The following RAB3IL1 variants were observed in gnomAD, a reference collection of about 807,000 sequenced individuals.
RAB3IL1 encodes the protein RAB3A interacting protein like 1, also known as guanine nucleotide exchange factor for Rab-3A.
A neutral mutation model predicts 49.2 loss-of-function variants in RAB3IL1; 37 were observed. That is an observed-to-expected ratio of 0.75 (90% CI 0.58 to 0.99). The LOEUF is 0.99. RAB3IL1 is among the 50% of genes least tolerant of loss of function. The pLI is 0.00. For missense variants in RAB3IL1, 484 were observed against 513.0 expected (o/e 0.94, Z 0.55); for synonymous variants, 193 against 213.9 (o/e 0.90, Z 0.85).
chr11:61,907,539 GT>G, intron 3 of RAB3IL1, 25 bp downstream of exon 3: 1 of 1,613,938 alleles, frequency 6.2e-7, no homozygotes. Context: ...CATTCCCCAA[GT>G]TGTTCCCGCG....
intron 5 of RAB3IL1, among the ~76,000 whole-genome samples, chr11:61,905,468 G>A (rs555041932): frequency 2.7e-4 from 41 of 152,292 alleles, no homozygotes; most frequent in East Asian, 1.4e-3. Flanking sequence ...AGGCCGGCTC[G>A]TAGGTGAGGT....
chr11:61,912,323 G>A (rs1283459789), intron 1 of RAB3IL1, among the ~76,000 whole-genome samples: 1 of 152,216 alleles, frequency 6.6e-6, no homozygotes, highest in African/African-American at 2.4e-5. Flanking sequence ...ACACTGAGGG[G>A]ACGGAGGCTC....
Position 61,908,224 on chromosome 11 carries a change from G to A in RAB3IL1, c.94C>T (p.His32Tyr). ...ACCAGGGCTCCTGGGGACTCCCTGT[G>A]GCCTTGGCAGGGGTCCGTGCTCTTC... is the stretch of plus-strand genomic sequence containing the variant. ...PWKSTDPCQGHRESPGALVET... is the reference protein window; with the variant it reads ...PWKSTDPCQGYRESPGALVET... The change falls in exon 2 of 10, where the codon CAC becomes TAC. Residue 32 changes from histidine to tyrosine, a missense_variant. Physicochemically the swap from His to Tyr is moderately conservative, Grantham distance 83 (BLOSUM62 2). Transcript: ENST00000394836. 1 of 1,539,612 alleles carries A rather than the reference G, an allele frequency of 6.5e-7. No individual in the cohort carries two copies. Among genetic ancestry groups the A allele is most frequent in the Non-Finnish European group, 8.8e-7 (1 of 1,141,866 alleles).
Position 61,917,527 on chromosome 11 carries a change from G to C in RAB3IL1, c.-160C>G. ...GTAGGTCTCAGACGCCTGGGCTCGCGGCCCCCAGCCCAGCCCCGACCCTGC... is the reference window on the plus strand; with the variant it reads ...GTAGGTCTCAGACGCCTGGGCTCGCCGCCCCCAGCCCAGCCCCGACCCTGC... On this transcript the variant is annotated 5_prime_UTR_variant, in exon 1 of 10. Transcript: ENST00000394836. The C allele has an allele frequency of 8.9e-7, 1 of 1,117,478 alleles. No individual in the cohort carries two copies. The highest frequency in any genetic ancestry group is 1.1e-6 in the Non-Finnish European group (1 of 916,244). The allele number at this position is 1,117,478 out of a possible 1,614,324, so 69.2% of individuals were successfully genotyped here.
At chr11:61,943,191 G>A in the RAB3IL1 span, among the ~76,000 whole-genome samples, 1 of 152,126 alleles carries the variant, frequency 6.6e-6, no homozygotes, top group Non-Finnish European at 1.5e-5. Context: ...ACCCATATAT[G>A]TATTATCAAT....
intron 4 of RAB3IL1, 115 bp downstream of exon 4, chr11:61,907,278 G>T: frequency 1.8e-6 from 2 of 1,104,948 alleles, no homozygotes; most frequent in Non-Finnish European, 2.7e-6. Flanking sequence ...ACCCATTCCT[G>T]CTGGCCCCAC....
At position 61,908,146 on chromosome 11, in the gene RAB3IL1, G is replaced by A. The variant is rs780930353; in HGVS notation, c.172C>T (p.Gln58Ter). 106 of 1,573,914 alleles carry A rather than the reference G, an allele frequency of 6.7e-5. No individual in the cohort carries two copies. Among genetic ancestry groups the A allele is most frequent in the Middle Eastern group, 1.7e-4 (1 of 6,036 alleles). ...AQGQEGPAAA[Q>*]LDVLRLRSSS... The stretch of plus-strand genomic sequence containing the variant: ...CTGCGCAGGCGCAACACGTCCAGCT[G>A]GGCGGCTGCGGGGCCCTCCTGGCCT... The change falls in exon 2 of 10, where the codon CAG becomes TAG. Residue 58 changes from glutamine to a stop codon, truncating the protein, a stop_gained. Transcript: ENST00000394836. LOFTEE classifies it high-confidence loss of function.
chr11:61,902,085 C>G (rs777299870), intron 8 of RAB3IL1, among the ~76,000 whole-genome samples: 1 of 152,200 alleles, frequency 6.6e-6, no homozygotes, highest in South Asian at 2.1e-4. Context: ...GAGGCCGAGG[C>G]AGGCAGATCA....
At chr11:61,920,266 C>G, upstream of RAB3IL1, 1 of 1,234,572 alleles carries the variant, frequency 8.1e-7, no homozygotes, top group Non-Finnish European at 1.0e-6. Context: ...CTTCCCCCCA[C>G]CAGGCTGAGC....
At chr11:61,937,198 A>G in the RAB3IL1 span, among the ~76,000 whole-genome samples, 33 of 152,338 alleles carry the variant, frequency 2.2e-4, no homozygotes, top group African/African-American at 7.9e-4. Context: ...CAATAAAAAC[A>G]TGAAAGGTAG....
intron 1 of RAB3IL1, among the ~76,000 whole-genome samples, chr11:61,913,159 G>C (rs1424767422): frequency 6.6e-6 from 1 of 152,088 alleles, no homozygotes; most frequent in African/African-American, 2.4e-5. Flanking sequence ...GCCTGAGCCT[G>C]GATGAGGGGC....
rs754726090 is a variant in RAB3IL1 at position 61,908,103 on chromosome 11, C to T, written c.215G>A (p.Arg72Gln). ...CTTCAGGAACTCGGAGCCCTTCTCT[C>T]GGATCTCCATGGAAGAGCTGCGCAG... ...LRLRSSSMEI[R>Q]EKGSEFLKEE... Residue 72 changes from arginine to glutamine, a missense_variant, in exon 2 of 10, where the codon CGA (arginine) becomes CAA (glutamine). Coordinates refer to ENST00000394836, the MANE Select transcript of RAB3IL1 (RefSeq NM_013401.4). 10 of 1,610,844 alleles carry T rather than the reference C, an allele frequency of 6.2e-6. No individual in the cohort carries two copies. Among genetic ancestry groups the T allele is most frequent in the South Asian group, 1.1e-5 (1 of 90,988 alleles).
intron 1 of RAB3IL1, among the ~76,000 whole-genome samples, chr11:61,912,698 T>C (rs1232037095): frequency 6.6e-6 from 1 of 152,126 alleles, no homozygotes; most frequent in Admixed American, 6.5e-5. Flanking sequence ...TCACGTGGCC[T>C]GTCACCCAGA....
At chr11:61,904,713 G>T (rs756761448) in intron 6 of RAB3IL1, 41 bp downstream of exon 6, 6 of 1,582,920 alleles carry the variant, frequency 3.8e-6, no homozygotes, top group Non-Finnish European at 5.2e-6. Flanking sequence ...CCTGGCGGAG[G>T]GGTGTGTCCC....
upstream of RAB3IL1, among the ~76,000 whole-genome samples, chr11:61,922,136 G>A (rs1939923111): frequency 6.6e-6 from 1 of 151,916 alleles, no homozygotes; most frequent in Non-Finnish European, 1.5e-5. Context: ...GTGAATCTGG[G>A]AGGCAGAGCT....
chr11:61,906,149 G>T lies in RAB3IL1; in HGVS notation c.657+317C>A, dbSNP rs896442775. On this transcript the variant is annotated intron_variant, in intron 5 of 9. Coordinates refer to ENST00000394836, the MANE Select transcript of RAB3IL1 (RefSeq NM_013401.4). The surrounding 1 kb of genome is among the most constrained non-coding windows in gnomAD (Gnocchi z 4.6). Reference sequence around the variant, plus strand: ...GCCTCTTAAGGCCAAGGAAGTGTGTGTCTCAGTGGAGGCCCCAGATCCTCA... The same window carrying T: ...GCCTCTTAAGGCCAAGGAAGTGTGTTTCTCAGTGGAGGCCCCAGATCCTCA... 3.3e-5 allele frequency among the ~76,000 whole-genome samples: 5 copies of T among 152,142 alleles called. No individual in the cohort carries two copies. Among genetic ancestry groups the T allele is most frequent in the African/African-American group, 7.2e-5 (3 of 41,416 alleles).
At chr11:61,920,069 A>G, upstream of RAB3IL1, 1 of 1,281,074 alleles carries the variant, frequency 7.8e-7, no homozygotes, top group Non-Finnish European at 9.9e-7. Context: ...TCTTCTCTCA[A>G]GTTCCCCTCA....
At chr11:61,919,538 C>T (rs1939841211), upstream of RAB3IL1, among the ~76,000 whole-genome samples, 1 of 152,176 alleles carries the variant, frequency 6.6e-6, no homozygotes, top group Non-Finnish European at 1.5e-5. Context: ...TCCTCTTACA[C>T]CCGTTTTCCA....
chr11:61,898,937 G>A lies in RAB3IL1; in HGVS notation c.1066+377C>T. ...GCCAGGCCTTGCAGAATGGGCTGTGGGGGGAGGGGGTGGAGGGAGGCCCTG... is the reference window on the plus strand; with the variant it reads ...GCCAGGCCTTGCAGAATGGGCTGTGAGGGGAGGGGGTGGAGGGAGGCCCTG... On this transcript the variant is annotated intron_variant, in intron 9 of 9. Transcript: ENST00000394836. The surrounding 1 kb of genome is among the most constrained non-coding windows in gnomAD (Gnocchi z 5.1). 2 of 488,304 alleles carry A rather than the reference G, an allele frequency of 4.1e-6. No homozygotes were observed. Among genetic ancestry groups the A allele is most frequent in the Non-Finnish European group, 8.0e-6 (2 of 248,836 alleles). The allele number at this position is 488,304 out of a possible 1,614,324, so 30.2% of individuals were successfully genotyped here. A position where few individuals can be genotyped will look rare whatever the true frequency, so the allele number is the denominator to read the frequency against.
Sources: gnomAD v4.1 joint callset for allele counts (sites outside exome capture counted in the v4.1 genomes callset) on GRCh38, gnomAD v4.1.1 for gene constraint, Gnocchi (gnomAD v3.1) non-coding constraint, MANE v1.5 for transcripts, NCBI Gene and HGNC (gene_info 2026-07-23, HGNC 2026-07-21) for gene names.